Variants in RBFOX1 observed in about 807,000 individuals in gnomAD.
RBFOX1 encodes RNA binding fox-1 homolog 1.
A neutral mutation model predicts 57.7 loss-of-function variants in RBFOX1; 8 were observed. The ratio of observed to expected loss-of-function variants is 0.14; its 90% CI spans 0.08 to 0.25. RBFOX1 has a LOEUF of 0.25. Ranked by LOEUF, RBFOX1 falls within the 10% of genes least tolerant of loss-of-function variation. The probability of loss-of-function intolerance (pLI) is 1.00; values close to 1 mark genes in which losing one functional copy is unlikely to be tolerated. For missense variants in RBFOX1, 611 were observed against 548.5 expected, an observed-to-expected ratio of 1.11 and a Z score of -1.14; for synonymous variants, 326 against 222.4, an observed-to-expected ratio of 1.47 and a Z score of -4.15.
chr16:6,388,367 C>G (rs542623023), intron 2 of RBFOX1, among the ~76,000 whole-genome samples: 3 of 151,530 alleles, frequency 2.0e-5, no homozygotes, highest in Non-Finnish European at 4.4e-5. Flanking sequence ...ATGAAACTCA[C>G]ACTCACAGAA....
At chr16:7,242,870 T>A (rs1413658777) in intron 4 of RBFOX1, among the ~76,000 whole-genome samples, 7 of 152,044 alleles carry the variant, frequency 4.6e-5, no homozygotes, top group Non-Finnish European at 1.0e-4. Context: ...AGATATGGAG[T>A]CTGCGGACAG....
At chr16:7,090,915 T>G (rs2060734875) in intron 4 of RBFOX1, among the ~76,000 whole-genome samples, 1 of 152,132 alleles carries the variant, frequency 6.6e-6, no homozygotes, top group Non-Finnish European at 1.5e-5. Flanking sequence ...AAACTCCTGC[T>G]CTCCTGTGGT....
intron 3 of RBFOX1, among the ~76,000 whole-genome samples, chr16:6,885,638 T>G (rs1460865271): frequency 6.6e-6 from 1 of 152,130 alleles, no homozygotes; most frequent in Admixed American, 6.5e-5. Context: ...TTCAAGTGAT[T>G]ATCCTGCCTT....
At chr16:6,486,961 A>C (rs2095496755) in intron 2 of RBFOX1, among the ~76,000 whole-genome samples, 1 of 152,188 alleles carries the variant, frequency 6.6e-6, no homozygotes, top group South Asian at 2.1e-4. Flanking sequence ...CTTGCACGGC[A>C]CCAAGAGAAA....
chr16:5,462,339 T>C (rs1023353543), intron 1 of RBFOX1, among the ~76,000 whole-genome samples: 2 of 151,826 alleles, frequency 1.3e-5, no homozygotes, highest in Non-Finnish European at 2.9e-5. Flanking sequence ...CGGCTAATTT[T>C]TTGTATTTTT....
intron 1 of RBFOX1, among the ~76,000 whole-genome samples, chr16:6,297,521 T>A (rs2078265954): frequency 6.6e-6 from 1 of 152,138 alleles, no homozygotes; most frequent in Admixed American, 6.5e-5. Flanking sequence ...TTTCCTGATC[T>A]GTAAAATGAG....
chr16:6,282,360 T>G (rs1262431857), intron 1 of RBFOX1, among the ~76,000 whole-genome samples: 3 of 128,756 alleles, frequency 2.3e-5, no homozygotes, highest in Admixed American at 8.0e-5. Flanking sequence ...TGTCTGTTTT[T>G]TTTTTTTTTT....
rs1597367937 is a variant in RBFOX1 at position 5,515,220 on chromosome 16, A to G, written c.258+47966A>G. ...AGAGGACAAACATCCAGATTGTATCAGGTGGCCTGTGCCTACTGTCAGCTC... is the reference window on the plus strand; with the variant it reads ...AGAGGACAAACATCCAGATTGTATCGGGTGGCCTGTGCCTACTGTCAGCTC... On this transcript the variant is annotated intron_variant, in intron 2 of 2. Coordinates refer to the RBFOX1 transcript ENST00000585867. Among the ~76,000 whole-genome samples the G allele has an allele frequency of 2.6e-5, 4 of 152,250 alleles. No homozygotes were observed. The East Asian group carries it at 7.7e-4, about 29-fold the overall frequency.
At chr16:7,400,186 A>G (rs1441573259) in intron 4 of RBFOX1, among the ~76,000 whole-genome samples, 1 of 152,118 alleles carries the variant, frequency 6.6e-6, no homozygotes, top group African/African-American at 2.4e-5. Context: ...GAAGTTCTCA[A>G]ATTTTGTCAT....
chr16:7,480,156 C>G (rs1567403014), intron 4 of RBFOX1, among the ~76,000 whole-genome samples: 1 of 152,190 alleles, frequency 6.6e-6, no homozygotes, highest in African/African-American at 2.4e-5. Flanking sequence ...CTTGGGACAG[C>G]TACACACACT....
At chr16:5,695,440 C>T (rs945211458) in intron 3 of RBFOX1, among the ~76,000 whole-genome samples, 1 of 152,124 alleles carries the variant, frequency 6.6e-6, no homozygotes, top group Middle Eastern at 3.2e-3. Flanking sequence ...TTTTGTAGGT[C>T]CTAATTAAAT....
At chr16:6,580,183 T>C (rs761978407) in intron 2 of RBFOX1, among the ~76,000 whole-genome samples, 4 of 152,184 alleles carry the variant, frequency 2.6e-5, no homozygotes, top group African/African-American at 9.7e-5. Context: ...GGTCTCGAAC[T>C]CCTGACCTCA....
intron 4 of RBFOX1, among the ~76,000 whole-genome samples, chr16:7,071,420 T>A (rs2057309596): frequency 6.6e-6 from 1 of 152,148 alleles, no homozygotes; most frequent in South Asian, 2.1e-4. Flanking sequence ...GCCTCCTAGC[T>A]GCAGGAAGTG....
chr16:6,575,752 G>C (rs2097424536), intron 2 of RBFOX1, among the ~76,000 whole-genome samples: 1 of 151,776 alleles, frequency 6.6e-6, no homozygotes, highest in Admixed American at 6.6e-5. Context: ...AGGTACTCGG[G>C]AGGCTGAGGC....
chr16:7,333,086 C>G (rs754561652), intron 4 of RBFOX1: 11 of 1,613,600 alleles, frequency 6.8e-6, no homozygotes, highest in African/African-American at 1.3e-5. Flanking sequence ...TGGACTGATT[C>G]AGGTAATTCA....
At chr16:6,395,341 C>G (rs2092781193) in intron 2 of RBFOX1, among the ~76,000 whole-genome samples, 1 of 152,206 alleles carries the variant, frequency 6.6e-6, no homozygotes, top group Non-Finnish European at 1.5e-5. Context: ...AAAACTCTGT[C>G]AAAGCCATGT....
chr16:6,306,660 T>C (rs1010913970), intron 1 of RBFOX1, among the ~76,000 whole-genome samples: 2 of 152,200 alleles, frequency 1.3e-5, no homozygotes, highest in Non-Finnish European at 2.9e-5. Context: ...TCTACTTAGA[T>C]GGGAAGGAGC....
chr16:6,228,908 T>C (rs771240890), intron 1 of RBFOX1, among the ~76,000 whole-genome samples: 4 of 152,148 alleles, frequency 2.6e-5, no homozygotes, highest in Non-Finnish European at 5.9e-5. Flanking sequence ...CTGATAAACA[T>C]ATATAATTTT....
At chr16:6,433,776 G>C (rs1205418165) in intron 2 of RBFOX1, among the ~76,000 whole-genome samples, 1 of 150,998 alleles carries the variant, frequency 6.6e-6, no homozygotes, top group Non-Finnish European at 1.5e-5. Flanking sequence ...ACCCTTCAAA[G>C]CACATCACTC....
Sources: gnomAD v4.1 joint callset for allele counts (sites outside exome capture counted in the v4.1 genomes callset) on GRCh38, gnomAD v4.1.1 for gene constraint, MANE v1.5 for transcripts, NCBI Gene and HGNC (gene_info 2026-07-23, HGNC 2026-07-21) for gene names.